The following ANK3 variants were observed in gnomAD, a reference collection of about 807,000 sequenced individuals.
ANK3 encodes ankyrin-3.
In ANK3, 57 loss-of-function variants were observed where a neutral mutation model predicts 370.9. The observed-to-expected ratio is 0.15, with a 90% CI of 0.12 to 0.19. The LOEUF (loss-of-function observed/expected upper bound fraction) is 0.19, where lower values mean the gene tolerates loss of function less well. Among genes scored for constraint, ANK3 ranks in the 10% least tolerant of loss-of-function variants. The pLI is 1.00. For missense variants in ANK3, 4,439 were observed against 5,302.1 expected (o/e 0.84, Z 5.06); for synonymous variants, 1,929 against 1,946.3 (o/e 0.99, Z 0.23).
intron 2 of ANK3, among the ~76,000 whole-genome samples, chr10:60,450,662 C>G (rs534104900): frequency 4.6e-5 from 7 of 151,954 alleles, no homozygotes; most frequent in Admixed American, 2.0e-4. Flanking sequence ...GTATAAGATG[C>G]CTTAGAGGAT....
intron 1 of ANK3, among the ~76,000 whole-genome samples, chr10:60,281,412 G>C (rs1224066574): frequency 1.3e-5 from 2 of 152,182 alleles, no homozygotes; most frequent in African/African-American, 4.8e-5. Flanking sequence ...ATGTCCCTTG[G>C]GGGAGGGGGC....
Position 60,128,079 on chromosome 10 carries a change from A to G in ANK3, c.2841+6192T>C, listed in dbSNP as rs2093862831. ...TGAATAAATAAAAGACTTTATTAGG[A>G]TTAGAAATAAACGTTAACAAAGAAC... On this transcript the variant is annotated intron_variant, in intron 25 of 43. Transcript: ENST00000280772. Among the ~76,000 whole-genome samples the G allele has an allele frequency of 3.3e-5, 5 of 152,322 alleles. 1 individual carries two copies. The South Asian group carries it at 1.0e-3, about 32-fold the overall frequency.
intron 2 of ANK3, among the ~76,000 whole-genome samples, chr10:60,462,599 T>G (rs766347599): frequency 7.1e-6 from 1 of 139,914 alleles, no homozygotes. Flanking sequence ...TTTTTTTTTT[T>G]AAAGAGATGG....
At chr10:60,248,488 C>T (rs1214759980) in intron 7 of ANK3, among the ~76,000 whole-genome samples, 1 of 151,884 alleles carries the variant, frequency 6.6e-6, no homozygotes, top group Admixed American at 6.6e-5. Context: ...ATAGTAAATG[C>T]CTAATTCCTG....
chr10:60,292,233 T>C (rs967750218), intron 1 of ANK3, among the ~76,000 whole-genome samples: 1 of 152,170 alleles, frequency 6.6e-6, no homozygotes, highest in East Asian at 1.9e-4. Context: ...GGAGAAACCA[T>C]TTCTGAAAAG....
intron 1 of ANK3, among the ~76,000 whole-genome samples, chr10:60,688,932 A>C (rs1289668003): frequency 6.6e-6 from 1 of 150,950 alleles, no homozygotes; most frequent in Non-Finnish European, 1.5e-5. Context: ...TAGGCGACAG[A>C]GTGAGACTCC....
At chr10:60,068,103 T>A in intron 37 of ANK3, 94 bp from the exon 38 acceptor site, 1 of 1,064,346 alleles carries the variant, frequency 9.4e-7, no homozygotes. Flanking sequence ...ACAGAGAGAC[T>A]AATGCTAACA....
chr10:60,034,853 T>G (rs2074551285), intron 43 of ANK3, among the ~76,000 whole-genome samples: 1 of 152,226 alleles, frequency 6.6e-6, no homozygotes, highest in Non-Finnish European at 1.5e-5. Flanking sequence ...GACTTTTTTC[T>G]AAACATTAAT....
chr10:60,450,499 T>C (rs1305861380), intron 2 of ANK3, among the ~76,000 whole-genome samples: 1 of 151,962 alleles, frequency 6.6e-6, no homozygotes, highest in African/African-American at 2.4e-5. Flanking sequence ...GGAAGAAGCA[T>C]TGTTAGCCAA....
At chr10:60,163,692 T>G (rs898522581) in intron 23 of ANK3, among the ~76,000 whole-genome samples, 16 of 152,198 alleles carry the variant, frequency 1.1e-4, no homozygotes, top group Admixed American at 5.2e-4. Context: ...TTACTTTTGC[T>G]TTTTAATTTT....
At chr10:60,259,392 AT>A (rs1488406109) in intron 7 of ANK3, among the ~76,000 whole-genome samples, 1 of 152,216 alleles carries the variant, frequency 6.6e-6, no homozygotes, top group Non-Finnish European at 1.5e-5. Flanking sequence ...ATTAGACCTC[AT>A]TAATTAGGAA....
chr10:60,609,725 C>T (rs764347455), intron 2 of ANK3, among the ~76,000 whole-genome samples: 1 of 152,098 alleles, frequency 6.6e-6, no homozygotes, highest in East Asian at 1.9e-4. Context: ...CATATCATAA[C>T]CCATAATTGC....
chr10:60,521,210 G>A (rs1445586114), intron 2 of ANK3, among the ~76,000 whole-genome samples: 1 of 152,024 alleles, frequency 6.6e-6, no homozygotes, highest in Non-Finnish European at 1.5e-5. Flanking sequence ...CATCAGCTGA[G>A]TTCTAATTAA....
chr10:60,182,445 A>G (rs2096221507), intron 17 of ANK3, among the ~76,000 whole-genome samples: 1 of 152,258 alleles, frequency 6.6e-6, no homozygotes, highest in African/African-American at 2.4e-5. Context: ...CCGGTTTTAA[A>G]AAACCTCTTT....
At chr10:60,448,304 C>G (rs563790017) in intron 2 of ANK3, among the ~76,000 whole-genome samples, 16 of 152,302 alleles carry the variant, frequency 1.1e-4, no homozygotes, top group African/African-American at 3.8e-4. Flanking sequence ...GAAACTACAT[C>G]ACTCTGGAGA....
In ANK3 at chr10:60,074,002, C is replaced by G. The variant is rs747063726; in HGVS notation, c.6879G>C (p.Leu2293=). 21 of 1,613,922 alleles carry G rather than the reference C, an allele frequency of 1.3e-5. No homozygotes were observed. The highest frequency in any genetic ancestry group is 2.5e-6 in the Non-Finnish European group (3 of 1,179,982). The change falls in exon 37 of 44, where the codon CTG becomes CTC. Residue 2293 remains leucine (L), a synonymous_variant. Transcript: ENST00000280772. ...GAGACACTGCCGACTTATGTTCAAA[C>G]AGACCTGCCAGTTCTTTGGAAGGAT... ...GRDPSKELAG[L]FEHKSAVSPD...
chr10:60,684,149 A>G (rs1278389395), intron 1 of ANK3, among the ~76,000 whole-genome samples: 1 of 152,242 alleles, frequency 6.6e-6, no homozygotes, highest in East Asian at 1.9e-4. Context: ...AGAAAACATG[A>G]ATAATAATTA....
chr10:60,715,280 C>T (rs886305724), intron 1 of ANK3, among the ~76,000 whole-genome samples: 13 of 150,686 alleles, frequency 8.6e-5, no homozygotes, highest in African/African-American at 3.2e-4. Context: ...TGAAAGCAAA[C>T]ACGGTGTTTG....
chr10:60,576,144 C>A (rs909101286), intron 2 of ANK3, among the ~76,000 whole-genome samples: 1 of 152,108 alleles, frequency 6.6e-6, no homozygotes, highest in Non-Finnish European at 1.5e-5. Context: ...TGGAAAATAT[C>A]AATTTGGATG....
Sources: gnomAD v4.1 joint callset for allele counts (sites outside exome capture counted in the v4.1 genomes callset) on GRCh38, gnomAD v4.1.1 for gene constraint, MANE v1.5 for transcripts, NCBI Gene and HGNC (gene_info 2026-07-23, HGNC 2026-07-21) for gene names.